COL4A3: variants seen among roughly 807,000 people sequenced by gnomAD.
COL4A3 encodes the protein collagen type IV alpha 3 chain.
COL4A3 carries 135 observed loss-of-function variants against 217.4 expected under a neutral mutation model. The ratio of observed to expected loss-of-function variants is 0.62; its 90% CI spans 0.54 to 0.72. The LOEUF is 0.72. COL4A3 is among the 30% of genes least tolerant of loss of function. COL4A3 has a pLI of 0.00. For synonymous variants in COL4A3, 690 were observed against 736.3 expected, an observed-to-expected ratio of 0.94 and a Z score of 1.02; for missense variants, 1,868 against 2,119.9, an observed-to-expected ratio of 0.88 and a Z score of 2.33.
intron 1 of COL4A3, among the ~76,000 whole-genome samples, chr2:227,173,683 C>G (rs1041522660): frequency 1.3e-5 from 2 of 152,204 alleles, no homozygotes; most frequent in East Asian, 3.9e-4. Context: ...CTAGTAGCCA[C>G]ATTAAAAAAT....
chr2:227,293,964 T>C, intron 38 of COL4A3: 2 of 340,568 alleles, frequency 5.9e-6, no homozygotes, highest in Non-Finnish European at 1.2e-5. Context: ...TACAGAGTCA[T>C]GTTCCGAAGT....
chr2:227,282,363 A>T lies in COL4A3; in HGVS notation c.2489-2A>T, dbSNP rs1223306101. 6.2e-7 allele frequency: 1 copy of T among 1,612,344 alleles called. No homozygotes were observed. Among genetic ancestry groups the T allele is most frequent in the Non-Finnish European group, 8.5e-7 (1 of 1,179,192 alleles). ...TTAATTCATTCATTTATTCGTACAC[A>T]GGCAGAAGAGGTAAAACGGGGCCAA... On this transcript the variant is annotated splice_acceptor_variant, in intron 31 of 51. Coordinates refer to ENST00000396578, the MANE Select transcript of COL4A3 (RefSeq NM_000091.5). LOFTEE classifies it high-confidence loss of function. This position sits in a 1 kb window ranked among gnomAD's most constrained non-coding sequence, Gnocchi z 4.4.
In COL4A3 at chr2:227,293,220, A is replaced by G. The variant is rs2106226480; in HGVS notation, c.3240A>G (p.Gly1080=). 1 of 1,613,962 alleles carries G rather than the reference A, an allele frequency of 6.2e-7. No individual in the cohort carries two copies. The highest frequency in any genetic ancestry group is 1.1e-5 in the South Asian group (1 of 91,072). ...TGDPGLPGDM[G]KKGEMGQPGP... is the part of the protein sequence containing the mutation. ...ATCCAGGACTGCCGGGTGATATGGG[A>G]AAGAAAGGAGAAATGGGGCAACCTG... Residue 1080 remains glycine, a synonymous_variant, in exon 38 of 52, where the codon GGA becomes GGG. Coordinates refer to ENST00000396578, the MANE Select transcript of COL4A3 (RefSeq NM_000091.5).
intron 1 of COL4A3, among the ~76,000 whole-genome samples, chr2:227,207,794 C>T (rs1459064710): frequency 1.3e-5 from 2 of 152,174 alleles, no homozygotes; most frequent in African/African-American, 2.4e-5. Context: ...TCAAAGCAGT[C>T]CCCTGGTGGG....
At position 227,259,785 on chromosome 2, in the gene COL4A3, C is replaced by T. The variant is rs1251940156; in HGVS notation, c.1030-8C>T. The T allele has an allele frequency of 5.0e-6, 8 of 1,593,862 alleles. No homozygotes were observed. The South Asian group carries it at 8.8e-5, about 18-fold the overall frequency. ...CCTTTCTCTGTATTTGTTTCTTTCT[C>T]CTCTAAGACAGAATATTATGACACA... On this transcript the variant is annotated splice_polypyrimidine_tract_variant and splice_region_variant and intron_variant, in intron 18 of 51. Transcript: ENST00000396578.
Position 227,289,145 on chromosome 2 carries a change from T to G in COL4A3, c.2882-5T>G, listed in dbSNP as rs2072526795. 1 of 1,611,588 alleles carries G rather than the reference T, an allele frequency of 6.2e-7. No individual in the cohort carries two copies. Among genetic ancestry groups the G allele is most frequent in the East Asian group, 2.2e-5 (1 of 44,868 alleles). ...TTCTTGTTAATACCTGGTTTCTAACTTCAGGATTCGCAGGAAATCCAGGTG... is the reference window on the plus strand; with the variant it reads ...TTCTTGTTAATACCTGGTTTCTAACGTCAGGATTCGCAGGAAATCCAGGTG... On this transcript the variant is annotated splice_polypyrimidine_tract_variant and splice_region_variant and intron_variant, in intron 34 of 51. Transcript: ENST00000396578.
chr2:227,239,716 C>T (rs1243638295), intron 2 of COL4A3, among the ~76,000 whole-genome samples: 6 of 152,222 alleles, frequency 3.9e-5, no homozygotes, highest in Non-Finnish European at 8.8e-5. Flanking sequence ...TGGTGGCGTT[C>T]TTTCAAGCTA....
At chr2:227,179,973 T>C (rs565345931) in intron 1 of COL4A3, among the ~76,000 whole-genome samples, 1 of 152,324 alleles carries the variant, frequency 6.6e-6, no homozygotes, top group South Asian at 2.1e-4. Flanking sequence ...GAAAGTATTA[T>C]AGTAAGATTT....
chr2:227,305,439 A>C, intron 47 of COL4A3: 1 of 207,474 alleles, frequency 4.8e-6, no homozygotes, highest in Non-Finnish European at 1.0e-5. Flanking sequence ...GTACATAAGT[A>C]TGTAGCTAGA....
intron 1 of COL4A3, among the ~76,000 whole-genome samples, chr2:227,232,622 A>G (rs570037566): frequency 7.2e-5 from 11 of 152,250 alleles, no homozygotes; most frequent in African/African-American, 2.4e-4. Context: ...TCTGATGATC[A>G]ATGATTTTGA....
chr2:227,307,142 AAACT>A (rs1322653294), intron 47 of COL4A3, among the ~76,000 whole-genome samples: 1 of 152,172 alleles, frequency 6.6e-6, no homozygotes, highest in Admixed American at 6.5e-5. Context: ...TCATATAAAT[AAACT>A]AACCCTTATT....
Position 227,267,064 on chromosome 2 carries a change from T to G in COL4A3, c.1480T>G (p.Leu494Val). The G allele has an allele frequency of 6.2e-7, 1 of 1,613,822 alleles. No homozygotes were observed. The change falls in exon 23 of 52, where the codon TTA becomes GTA. Residue 494 changes from leucine to valine, a missense_variant. Coordinates refer to ENST00000396578, the MANE Select transcript of COL4A3 (RefSeq NM_000091.5). Reference protein sequence around the residue: ...GPPGLPGLPGLHGVKGIPGRQ... With the variant: ...GPPGLPGLPGVHGVKGIPGRQ... ...TCCCGGTCTCCCAGGATTGCCAGGG[T>G]TACATGGTGTAAAAGGAATCCCAGG...
chr2:227,199,470 T>C (rs1206492219), intron 1 of COL4A3, among the ~76,000 whole-genome samples: 1 of 152,230 alleles, frequency 6.6e-6, no homozygotes, highest in Non-Finnish European at 1.5e-5. Context: ...GCTCATTCAG[T>C]CTGCAACTAA....
At chr2:227,302,701 A>T (rs963154085) in intron 43 of COL4A3, among the ~76,000 whole-genome samples, 18 of 136,212 alleles carry the variant, frequency 1.3e-4, no homozygotes, top group Non-Finnish European at 2.8e-4. Context: ...AAAAAAAAAA[A>T]AAAAATCATT....
intron 26 of COL4A3, among the ~76,000 whole-genome samples, chr2:227,276,081 T>G (rs1373422345): frequency 6.6e-6 from 1 of 152,236 alleles, no homozygotes; most frequent in Non-Finnish European, 1.5e-5. Flanking sequence ...AAACAGAATT[T>G]GTCTCTAATC....
chr2:227,278,778 A>T (rs1042464338), intron 28 of COL4A3, among the ~76,000 whole-genome samples: 4 of 152,198 alleles, frequency 2.6e-5, no homozygotes, highest in African/African-American at 9.7e-5. Flanking sequence ...GAGCTCCTTG[A>T]AAGTGGAGAT....
chr2:227,202,742 AAAAAATATAT>A (rs59519405), intron 1 of COL4A3, among the ~76,000 whole-genome samples: 36,137 of 90,112 alleles, frequency 0.4, 6,885 homozygotes, highest in East Asian at 0.5. Flanking sequence ...CTCTAAAAAA[AAAAAATATAT>A]ATATATATAT....
intron 14 of COL4A3, among the ~76,000 whole-genome samples, chr2:227,254,435 A>G (rs561234558): frequency 6.6e-6 from 1 of 152,278 alleles, no homozygotes; most frequent in South Asian, 2.1e-4. Context: ...ACTGCTGTAC[A>G]TGCACCCAAT....
intron 1 of COL4A3, among the ~76,000 whole-genome samples, chr2:227,179,883 G>A (rs2065814462): frequency 6.6e-6 from 1 of 152,212 alleles, no homozygotes; most frequent in African/African-American, 2.4e-5. Flanking sequence ...GAGTTGAGAG[G>A]AGGAATAAGA....
Sources: allele counts gnomAD v4.1 joint callset (sites outside exome capture counted in the v4.1 genomes callset), GRCh38; gene constraint gnomAD v4.1.1; non-coding constraint Gnocchi (gnomAD v3.1); transcripts MANE v1.5; gene names NCBI Gene and HGNC (gene_info 2026-07-23, HGNC 2026-07-21).